The following KDM2A variants were observed in gnomAD, a reference collection of about 807,000 sequenced individuals.
The protein encoded by KDM2A is lysine-specific demethylase 2A.
Under a neutral mutation model 137.3 loss-of-function variants are expected in KDM2A, and 3 were observed. That is an observed-to-expected ratio of 0.02 (90% confidence interval 0.01 to 0.06). KDM2A has a LOEUF of 0.06. Among genes scored for constraint, KDM2A ranks in the 10% least tolerant of loss-of-function variants. KDM2A has a pLI of 1.00. For missense variants in KDM2A, 738 were observed against 1,510.6 expected, an observed-to-expected ratio of 0.49 and a Z score of 8.48; for synonymous variants, 512 against 541.5, an observed-to-expected ratio of 0.95 and a Z score of 0.76.
At chr11:67,192,124 ATC>A (rs1857369077) in intron 5 of KDM2A, among the ~76,000 whole-genome samples, 1 of 152,176 alleles carries the variant, frequency 6.6e-6, no homozygotes, top group Non-Finnish European at 1.5e-5. Context: ...TATTTACTTC[ATC>A]TCTTTTTGCA....
chr11:67,216,726 GCCTGACCAACATGGAGAAAGTGCAT>G (rs1175710817), intron 8 of KDM2A, among the ~76,000 whole-genome samples: 1 of 151,222 alleles, frequency 6.6e-6, no homozygotes, highest in Non-Finnish European at 1.5e-5. Context: ...TTCAAGACCA[GCCTGACCAACATGGAGAAAGTGCAT>G]CTCTACTAAA....
intron 5 of KDM2A, among the ~76,000 whole-genome samples, chr11:67,204,819 T>C (rs1480837548): frequency 6.6e-6 from 1 of 152,194 alleles, no homozygotes; most frequent in African/African-American, 2.4e-5. Flanking sequence ...GGTATATCCA[T>C]GTTGTAGCAT....
chr11:67,236,946 A>G (rs1858888546), intron 12 of KDM2A, among the ~76,000 whole-genome samples: 1 of 152,190 alleles, frequency 6.6e-6, no homozygotes, highest in South Asian at 2.1e-4. Context: ...AAAGTGGGCT[A>G]AGAAATAGGA....
chr11:67,236,529 A>T (rs1167879355), intron 12 of KDM2A, among the ~76,000 whole-genome samples: 1 of 152,244 alleles, frequency 6.6e-6, no homozygotes, highest in East Asian at 1.9e-4. Context: ...AGCTTTTTAT[A>T]TAACAATATA....
At chr11:67,227,789 G>A (rs374798610) in intron 10 of KDM2A, among the ~76,000 whole-genome samples, 24 of 152,034 alleles carry the variant, frequency 1.6e-4, no homozygotes, top group South Asian at 1.5e-3. Context: ...CAGGCTGGTC[G>A]CGAACTCCTG....
chr11:67,146,699 AG>A (rs1389596610), intron 2 of KDM2A, among the ~76,000 whole-genome samples: 1 of 152,014 alleles, frequency 6.6e-6, no homozygotes, highest in Non-Finnish European at 1.5e-5. Flanking sequence ...TTGTTGAGAC[AG>A]GGTTTTGATG....
intron 2 of KDM2A, among the ~76,000 whole-genome samples, chr11:67,172,582 A>G (rs1447267112): frequency 6.6e-6 from 1 of 150,886 alleles, no homozygotes; most frequent in Non-Finnish European, 1.5e-5. Flanking sequence ...TTGCTAGTAT[A>G]TAGAAATAGA....
Position 67,250,215 on chromosome 11 carries a change from C to T in KDM2A, c.2185C>T (p.Pro729Ser). 6.2e-7 allele frequency: 1 copy of T among 1,613,900 alleles called. No individual in the cohort carries two copies. Among genetic ancestry groups the T allele is most frequent in the Non-Finnish European group, 8.5e-7 (1 of 1,179,864 alleles). ...PTSMLQLIHD[P>S]VSPRGMVTRS... Reference sequence around the variant, plus strand: ...TTCCATGCTGCAGCTCATCCATGACCCGGTTTCCCCCCGGGGTATGGTGAC... The same window carrying T: ...TTCCATGCTGCAGCTCATCCATGACTCGGTTTCCCCCCGGGGTATGGTGAC... Residue 729 changes from proline to serine, a missense_variant, in exon 17 of 21, where the codon CCG (proline) becomes TCG (serine). Transcript: ENST00000529006. This position sits in a 1 kb window ranked among gnomAD's most constrained non-coding sequence, Gnocchi z 7.1.
chr11:67,172,540 A>AT (rs1037662006), intron 2 of KDM2A, among the ~76,000 whole-genome samples: 2 of 150,216 alleles, frequency 1.3e-5, no homozygotes, highest in Admixed American at 6.7e-5. Flanking sequence ...TTATAAATGG[A>AT]TTTTTTTTCA....
chr11:67,157,746 C>CAAAAA lies in KDM2A; in HGVS notation c.43-22319_43-22315dup, dbSNP rs34189357. On this transcript the variant is annotated intron_variant, in intron 2 of 20. Transcript: ENST00000529006. The stretch of plus-strand genomic sequence containing the variant: ...GGCGACAAAAGCAAGACTCCGTCTC[C>CAAAAA]AAAAAAAAAAAAAAAAAACTTGCAT... Among the ~76,000 whole-genome samples the CAAAAA allele has an allele frequency of 6.4e-5, 5 of 78,068 alleles. No homozygotes were observed. In the East Asian group the frequency reaches 1.7e-3, roughly 27 times the overall value. The allele number at this position is 78,068 out of a possible 152,430, so 51.2% of individuals were successfully genotyped here.
intron 12 of KDM2A, chr11:67,240,246 G>A (rs375667964): frequency 6.5e-7 from 1 of 1,535,572 alleles, no homozygotes; most frequent in Non-Finnish European, 8.7e-7. Flanking sequence ...AAGTAAATCC[G>A]GATTTTCCCA....
At chr11:67,238,799 A>G (rs1334569567) in intron 12 of KDM2A, among the ~76,000 whole-genome samples, 2 of 152,246 alleles carry the variant, frequency 1.3e-5, no homozygotes, top group Non-Finnish European at 2.9e-5. Context: ...AAAGTCACAT[A>G]AAAATCACAT....
chr11:67,224,554 G>A (rs1272895522), intron 10 of KDM2A, among the ~76,000 whole-genome samples: 1 of 126,546 alleles, frequency 7.9e-6, no homozygotes, highest in Non-Finnish European at 1.6e-5. Context: ...TGCAAGCTCC[G>A]CCTCCTGGGT....
intron 5 of KDM2A, among the ~76,000 whole-genome samples, chr11:67,189,772 G>A (rs910843316): frequency 6.6e-6 from 1 of 151,918 alleles, no homozygotes; most frequent in Non-Finnish European, 1.5e-5. Context: ...CCTGGGAAGC[G>A]GAGGTTGCAG....
chr11:67,250,651 G>C lies in KDM2A; in HGVS notation c.2621G>C (p.Gly874Ala). Residue 874 changes from glycine (G) to alanine (A), a missense_variant, in exon 17 of 21, where the codon GGT (glycine) becomes GCT (alanine). Physicochemically the swap from Gly to Ala is moderately conservative, Grantham distance 60. Coordinates refer to ENST00000529006, the MANE Select transcript of KDM2A (RefSeq NM_012308.3). The surrounding 1 kb of genome is among the most constrained non-coding windows in gnomAD (Gnocchi z 7.1). ...GAAGATGACAGTGCAGAGGAGGGGG[G>C]TGCAGCCAGGCTGAATGGCCGGGGC... The part of the protein sequence containing the change: ...EEEDDSAEEG[G>A]AARLNGRGSW... The C allele has an allele frequency of 6.2e-7, 1 of 1,608,814 alleles. No homozygotes were observed. The highest frequency in any genetic ancestry group is 8.5e-7 in the Non-Finnish European group (1 of 1,176,450).
chr11:67,224,455 C>G (rs1029052864), intron 10 of KDM2A, among the ~76,000 whole-genome samples: 3 of 132,630 alleles, frequency 2.3e-5, no homozygotes, highest in Non-Finnish European at 4.6e-5. Context: ...AAAAATTAAC[C>G]CCTTTCTTTT....
intron 3 of KDM2A, 37 bp from the exon 4 acceptor site, chr11:67,181,283 T>C (rs766152981): frequency 4.4e-6 from 6 of 1,373,760 alleles, no homozygotes; most frequent in Non-Finnish European, 5.1e-6. Context: ...TTTTTAATTA[T>C]ACCACTTATC....
chr11:67,216,873 T>C (rs2136396869), intron 8 of KDM2A, among the ~76,000 whole-genome samples: 1 of 151,414 alleles, frequency 6.6e-6, no homozygotes, highest in African/African-American at 2.4e-5. Context: ...TGAGCTGAGA[T>C]CGCGCCATTG....
In KDM2A at chr11:67,154,826, G is replaced by T. The variant is rs74869813; in HGVS notation, c.43-25253G>T. 1.4e-3 allele frequency among the ~76,000 whole-genome samples: 219 copies of T among 152,270 alleles called. 4 individuals carry two copies. The East Asian group carries it at 0.031, about 22-fold the overall frequency. On this transcript the variant is annotated intron_variant, in intron 2 of 20. Coordinates refer to ENST00000529006, the MANE Select transcript of KDM2A (RefSeq NM_012308.3). ...CTTAGCATATGTTCGAGGTTCATCT[G>T]TGTTTTGGCATGTATCAGCATCTTA...
Sources: gnomAD v4.1 joint callset for allele counts (sites outside exome capture counted in the v4.1 genomes callset) on GRCh38, gnomAD v4.1.1 for gene constraint, Gnocchi (gnomAD v3.1) non-coding constraint, MANE v1.5 for transcripts, NCBI Gene and HGNC (gene_info 2026-07-23, HGNC 2026-07-21) for gene names.